CNKSR2: variants seen among roughly 807,000 people sequenced by gnomAD.
CNKSR2 encodes connector enhancer of kinase suppressor of Ras 2.
CNKSR2 carries 14 observed loss-of-function variants against 84.4 expected under a neutral mutation model. The ratio of observed to expected loss-of-function variants is 0.17; its 90% CI spans 0.11 to 0.26. The LOEUF is 0.26. CNKSR2 is among the 10% of genes least tolerant of loss of function. CNKSR2 has a pLI of 1.00. For missense variants in CNKSR2, 485 were observed against 771.2 expected (o/e 0.63, Z 4.40); for synonymous variants, 275 against 277.9 (o/e 0.99, Z 0.10).
At chrX:21,432,519 C>A in intron 2 of CNKSR2, 93 bp from the exon 3 acceptor site, 1 of 620,707 alleles carries the variant, frequency 1.6e-6, no homozygotes, top group Non-Finnish European at 2.6e-6. Flanking sequence ...GAATGCTACC[C>A]CATTGCCTGT....
chrX:21,505,185 A>C (rs1601875040), intron 8 of CNKSR2: 1 of 128,233 alleles, frequency 7.8e-6, no homozygotes, highest in South Asian at 3.5e-4. Context: ...TACTAAAAAC[A>C]GTCTCGGGAA....
intron 11 of CNKSR2, among the ~76,000 whole-genome samples, chrX:21,554,976 T>C (rs974696183): frequency 3.6e-5 from 4 of 110,898 alleles, no homozygotes; most frequent in African/African-American, 1.3e-4. Context: ...CTTTTTTCTT[T>C]TTTTCCACAA....
chrX:21,626,960 TGGAA>T (rs756695243), intron 20 of CNKSR2, among the ~76,000 whole-genome samples: 1 of 111,077 alleles, frequency 9.0e-6, no homozygotes, highest in Non-Finnish European at 1.9e-5. Flanking sequence ...ATGAAAGAGA[TGGAA>T]AGAGAGGAAA....
chrX:21,497,074 A>G lies in CNKSR2; in HGVS notation c.682-713A>G, dbSNP rs1469793918. Among the ~76,000 whole-genome samples the G allele has an allele frequency of 3.6e-5, 4 of 111,229 alleles. No homozygotes were observed. The East Asian group carries it at 8.4e-4, about 23-fold the overall frequency. Reference sequence around the variant, plus strand: ...GTTTCCACTTGCTCTTAAAGTTTGTATGATTTCAGGATTTCTGTATAATTT... The same window carrying G: ...GTTTCCACTTGCTCTTAAAGTTTGTGTGATTTCAGGATTTCTGTATAATTT... On this transcript the variant is annotated intron_variant, in intron 6 of 21. Coordinates refer to ENST00000379510, the MANE Select transcript of CNKSR2 (RefSeq NM_014927.5).
At chrX:21,413,330 ATAG>A (rs759951782) in intron 1 of CNKSR2, among the ~76,000 whole-genome samples, 30 of 111,083 alleles carry the variant, frequency 2.7e-4, no homozygotes, top group Non-Finnish European at 4.7e-4. Flanking sequence ...TTATGGGTAC[ATAG>A]TAGGTGTGTA....
chrX:21,470,278 G>C (rs777257169), intron 4 of CNKSR2, among the ~76,000 whole-genome samples: 1 of 111,735 alleles, frequency 8.9e-6, no homozygotes, highest in South Asian at 3.7e-4. Flanking sequence ...AGTGTGTACT[G>C]TAAAGTATAT....
intron 18 of CNKSR2, 36 bp downstream of exon 18, chrX:21,601,385 C>CT: frequency 1.2e-6 from 1 of 850,337 alleles, no homozygotes; most frequent in South Asian, 2.5e-5. Flanking sequence ...TTATGTTATA[C>CT]TTTTTTTCCT....
At chrX:21,405,152 G>A (rs2090246517) in intron 1 of CNKSR2, among the ~76,000 whole-genome samples, 1 of 110,971 alleles carries the variant, frequency 9.0e-6, no homozygotes, top group African/African-American at 3.3e-5. Context: ...CCTTTCATGT[G>A]GAATTTAGGT....
At chrX:21,407,076 T>G (rs200114324) in intron 1 of CNKSR2, among the ~76,000 whole-genome samples, 164 of 111,550 alleles carry the variant, frequency 1.5e-3, no homozygotes, top group African/African-American at 5.0e-3. Flanking sequence ...AACAGTACTC[T>G]TCTCCAATTT....
chrX:21,609,181 C>T lies in CNKSR2; in HGVS notation c.2256C>T (p.Ser752=). ...AGTTTCGCCAGGAAGTAACTGGGAGCAGTGCAGTGTCTCCCATTCGCAAGA... is the reference window on the plus strand; with the variant it reads ...AGTTTCGCCAGGAAGTAACTGGGAGTAGTGCAGTGTCTCCCATTCGCAAGA... ...HEEFRQEVTG[S]SAVSPIRKTA... is the part of the protein sequence containing the mutation. Residue 752 remains serine, a synonymous_variant, in exon 20 of 22, where the codon AGC becomes AGT. Transcript: ENST00000379510. 1 of 1,209,893 alleles carries T rather than the reference C, an allele frequency of 8.3e-7. No individual in the cohort carries two copies. Among genetic ancestry groups the T allele is most frequent in the East Asian group, 3.0e-5 (1 of 33,846 alleles).
chrX:21,498,532 A>G (rs1301087010), intron 7 of CNKSR2, among the ~76,000 whole-genome samples: 1 of 112,210 alleles, frequency 8.9e-6, no homozygotes, highest in Non-Finnish European at 1.9e-5. Flanking sequence ...TGGGCAAGAC[A>G]TTTAACCTCT....
At chrX:21,587,616 A>T in intron 13 of CNKSR2, among the ~76,000 whole-genome samples, 1 of 111,904 alleles carries the variant, frequency 8.9e-6, no homozygotes, top group Middle Eastern at 4.6e-3. Flanking sequence ...AATTTCTGTC[A>T]CTGACAATGA....
intron 1 of CNKSR2, among the ~76,000 whole-genome samples, chrX:21,392,466 G>A (rs2090063565): frequency 8.9e-6 from 1 of 111,964 alleles, no homozygotes; most frequent in African/African-American, 3.3e-5. Context: ...GGAGAAGCAG[G>A]CATGCCTTAC....
intron 20 of CNKSR2, among the ~76,000 whole-genome samples, chrX:21,623,421 G>A (rs769289299): frequency 9.0e-6 from 1 of 111,393 alleles, no homozygotes; most frequent in Non-Finnish European, 1.9e-5. Context: ...GATACTTGCT[G>A]CCTGTCTGTA....
intron 20 of CNKSR2, among the ~76,000 whole-genome samples, chrX:21,622,574 T>C (rs1362364790): frequency 8.9e-6 from 1 of 112,019 alleles, no homozygotes; most frequent in Non-Finnish European, 1.9e-5. Flanking sequence ...CTATGTGTTC[T>C]TTCTCCTCAC....
Position 21,608,902 on chromosome X carries a change from A to C in CNKSR2, c.2146-169A>C, listed in dbSNP as rs148798140. 3.0e-3 allele frequency among the ~76,000 whole-genome samples: 336 copies of C among 111,998 alleles called. 1 individual carries two copies. The highest frequency in any genetic ancestry group is 5.7e-3 in the Non-Finnish European group (301 of 53,205). ...TACATCCATGTCTCTGTCTCTTAAA[A>C]TGTAAGCTGGGGCCTAACTTTGAGA... is the stretch of plus-strand genomic sequence containing the variant. On this transcript the variant is annotated intron_variant, in intron 19 of 21. Coordinates refer to ENST00000379510, the MANE Select transcript of CNKSR2 (RefSeq NM_014927.5).
rs941338297 is a variant in CNKSR2, at chrX:21,455,675, C to T, written c.519+14894C>T. On this transcript the variant is annotated intron_variant, in intron 4 of 21. Transcript: ENST00000379510. ...CAGTGGCATATTTGATCATAACACTCTTCTGCTTATACCCCTTCAGGGGTA... is the reference window on the plus strand; with the variant it reads ...CAGTGGCATATTTGATCATAACACTTTTCTGCTTATACCCCTTCAGGGGTA... Among the ~76,000 whole-genome samples, 4 of 112,372 alleles carry T rather than the reference C, an allele frequency of 3.6e-5. No individual in the cohort carries two copies. The Admixed American group carries it at 3.8e-4, about 11-fold the overall frequency.
intron 15 of CNKSR2, chrX:21,593,364 C>T (rs895640789): frequency 4.5e-5 from 5 of 111,616 alleles, no homozygotes; most frequent in African/African-American, 6.5e-5. Context: ...TTTTGTTTTG[C>T]GTGGAAGCTT....
chrX:21,494,893 T>C (rs745846417), intron 6 of CNKSR2: 47 of 111,806 alleles, frequency 4.2e-4, no homozygotes, highest in Middle Eastern at 4.6e-3. Flanking sequence ...AACCATACAT[T>C]CGCCACAGTT....
Sources: allele counts gnomAD v4.1 joint callset (sites outside exome capture counted in the v4.1 genomes callset), GRCh38; gene constraint gnomAD v4.1.1; transcripts MANE v1.5; gene names NCBI Gene and HGNC (gene_info 2026-07-23, HGNC 2026-07-21).